WDPCP: variants seen among roughly 807,000 people sequenced by gnomAD.
The protein encoded by WDPCP is WD repeat-containing and planar cell polarity effector protein fritz homolog.
A neutral mutation model predicts 93.1 loss-of-function variants in WDPCP; 71 were observed. The ratio of observed to expected loss-of-function variants is 0.76; its 90% CI spans 0.63 to 0.93. WDPCP has a LOEUF of 0.93. Among genes scored for constraint, WDPCP ranks in the 40% least tolerant of loss-of-function variants. The pLI is 0.00. For missense variants in WDPCP, 844 were observed against 887.4 expected (o/e 0.95, Z 0.62); for synonymous variants, 315 against 315.0 (o/e 1.00, Z 0.00).
Position 63,440,033 on chromosome 2 carries a change from T to A in WDPCP, c.385-162A>T, listed in dbSNP as rs1697402185. ...TTCACTGAAAAACAATTACTGACAT[T>A]GTGAGTAAAAAGAGAAAGGTGGCTA... On this transcript the variant is annotated intron_variant, in intron 6 of 17. Transcript: ENST00000272321. The A allele has an allele frequency of 9.9e-6, 6 of 608,940 alleles. No homozygotes were observed. The East Asian group carries it at 1.4e-4, about 14-fold the overall frequency. The allele number at this position is 608,940 out of a possible 1,614,324, so 37.7% of individuals were successfully genotyped here.
intron 6 of WDPCP, among the ~76,000 whole-genome samples, chr2:63,477,107 TTAATGA>T (rs1334815091): frequency 6.6e-6 from 1 of 152,322 alleles, no homozygotes; most frequent in South Asian, 2.1e-4. Flanking sequence ...ACATCTATAC[TTAATGA>T]TAATACTGTT....
At chr2:63,129,174 A>G (rs1670124761) in intron 17 of WDPCP, among the ~76,000 whole-genome samples, 1 of 152,210 alleles carries the variant, frequency 6.6e-6, no homozygotes, top group African/African-American at 2.4e-5. Flanking sequence ...TTATTCATTA[A>G]TCTGTCAGTG....
intron 6 of WDPCP, among the ~76,000 whole-genome samples, chr2:63,451,704 T>C (rs193216461): frequency 6.6e-6 from 1 of 152,140 alleles, no homozygotes; most frequent in Non-Finnish European, 1.5e-5. Context: ...AACAAAATAC[T>C]GGCAAACCGA....
chr2:63,294,908 T>A (rs1222368201), intron 13 of WDPCP, among the ~76,000 whole-genome samples: 2 of 152,174 alleles, frequency 1.3e-5, no homozygotes, highest in Non-Finnish European at 2.9e-5. Context: ...TAATACTACA[T>A]TTTATATTTT....
chr2:63,581,692 C>T (rs192376713), intron 1 of WDPCP, among the ~76,000 whole-genome samples: 1 of 152,136 alleles, frequency 6.6e-6, no homozygotes, highest in East Asian at 1.9e-4. Context: ...GAATAAAGCT[C>T]AAAGTTATTT....
At chr2:63,547,706 A>C (rs965550078) in intron 1 of WDPCP, among the ~76,000 whole-genome samples, 2 of 151,740 alleles carry the variant, frequency 1.3e-5, no homozygotes, top group African/African-American at 4.8e-5. Flanking sequence ...GAGAAAGACA[A>C]ATATCACATG....
chr2:63,228,383 TTTTC>T (rs1161252221), intron 14 of WDPCP: 3 of 140,026 alleles, frequency 2.1e-5, no homozygotes, highest in Non-Finnish European at 4.8e-5. Context: ...TTCTTTTTCT[TTTTC>T]TTTTTTTTTT....
At chr2:63,584,807 G>C (rs915814166) in intron 1 of WDPCP, among the ~76,000 whole-genome samples, 2 of 152,022 alleles carry the variant, frequency 1.3e-5, no homozygotes, top group African/African-American at 4.8e-5. Context: ...CACACAGCTA[G>C]GTAGTAAAGT....
At chr2:63,415,984 T>C (rs1695385920) in intron 9 of WDPCP, among the ~76,000 whole-genome samples, 1 of 152,206 alleles carries the variant, frequency 6.6e-6, no homozygotes, top group Non-Finnish European at 1.5e-5. Context: ...GATGCTTCAT[T>C]CTTTTATTGA....
In WDPCP at chr2:63,532,830, T is replaced by C. The variant is rs541186368; in HGVS notation, c.76-39890A>G. Among the ~76,000 whole-genome samples, 5 of 152,294 alleles carry C rather than the reference T, an allele frequency of 3.3e-5. No individual in the cohort carries two copies. The East Asian group carries it at 9.7e-4, about 29-fold the overall frequency. ...CGAGCAAAATAACCAGCTAATATCA[T>C]AATGACAGGATCAAATTAACACGTA... On this transcript the variant is annotated intron_variant, in intron 1 of 17. Coordinates refer to ENST00000272321, the MANE Select transcript of WDPCP (RefSeq NM_015910.7).
intron 2 of WDPCP, among the ~76,000 whole-genome samples, chr2:63,726,995 A>G (rs1355022119): frequency 2.0e-5 from 3 of 152,178 alleles, no homozygotes; most frequent in African/African-American, 7.2e-5. Context: ...CTGCAAAGAG[A>G]TAAGTTTGAC....
At chr2:63,326,032 T>C (rs1687506929) in intron 12 of WDPCP, among the ~76,000 whole-genome samples, 1 of 152,220 alleles carries the variant, frequency 6.6e-6, no homozygotes, top group Non-Finnish European at 1.5e-5. Context: ...GCTGTCTTAG[T>C]GTCAGAGGCT....
At chr2:63,448,706 T>C (rs1698029331) in intron 6 of WDPCP, among the ~76,000 whole-genome samples, 1 of 152,232 alleles carries the variant, frequency 6.6e-6, no homozygotes, top group African/African-American at 2.4e-5. Flanking sequence ...TTCTGTCATT[T>C]GTGAGAACAT....
At chr2:63,780,914 C>A (rs989070632) in intron 2 of WDPCP, among the ~76,000 whole-genome samples, 2 of 152,108 alleles carry the variant, frequency 1.3e-5, no homozygotes, top group African/African-American at 2.4e-5. Flanking sequence ...AAAAACCAAA[C>A]AACATGTGGG....
At chr2:63,712,765 G>C (rs1445550258) in intron 2 of WDPCP, among the ~76,000 whole-genome samples, 1 of 152,190 alleles carries the variant, frequency 6.6e-6, no homozygotes, top group Non-Finnish European at 1.5e-5. Flanking sequence ...CCCCTGTAGT[G>C]TGTTCTCATT....
At chr2:63,698,489 G>A (rs529989281) in intron 2 of WDPCP, among the ~76,000 whole-genome samples, 20 of 152,306 alleles carry the variant, frequency 1.3e-4, no homozygotes, top group African/African-American at 3.8e-4. Context: ...TTAGAATGTT[G>A]AAGCTGGCAG....
intron 12 of WDPCP, among the ~76,000 whole-genome samples, chr2:63,360,671 C>A (rs1690378320): frequency 6.6e-6 from 1 of 152,214 alleles, no homozygotes; most frequent in Non-Finnish European, 1.5e-5. Flanking sequence ...AAATTGCTTT[C>A]AGCTAAAAAC....
chr2:63,578,291 T>C (rs1473510666), intron 1 of WDPCP, among the ~76,000 whole-genome samples: 2 of 152,306 alleles, frequency 1.3e-5, no homozygotes, highest in East Asian at 3.9e-4. Flanking sequence ...ACCATATTAG[T>C]ATCCCGAAAA....
At chr2:63,791,728 G>C (rs556140975) in intron 2 of WDPCP, among the ~76,000 whole-genome samples, 1 of 152,110 alleles carries the variant, frequency 6.6e-6, no homozygotes, top group African/African-American at 2.4e-5. Flanking sequence ...ATAATGTGTT[G>C]CATGGAGGAT....
Sources: gnomAD v4.1 joint callset for allele counts (sites outside exome capture counted in the v4.1 genomes callset) on GRCh38, gnomAD v4.1.1 for gene constraint, MANE v1.5 for transcripts, NCBI Gene and HGNC (gene_info 2026-07-23, HGNC 2026-07-21) for gene names.